Variants in ALMS1 observed in about 807,000 individuals in gnomAD.
The protein encoded by ALMS1 is ALMS1 centrosome and basal body associated protein.
In ALMS1, 271 loss-of-function variants were observed where a neutral mutation model predicts 352.2. The observed-to-expected ratio is 0.77, with a 90% CI of 0.70 to 0.85. The LOEUF is 0.85. Ranked by LOEUF, ALMS1 falls within the 40% of genes least tolerant of loss-of-function variation. The pLI is 0.00. For missense variants in ALMS1, 5,445 were observed against 4,870.7 expected, an observed-to-expected ratio of 1.12 and a Z score of -3.51; for synonymous variants, 1,865 against 1,761.2, an observed-to-expected ratio of 1.06 and a Z score of -1.48.
At position 73,449,866 on chromosome 2, in the gene ALMS1, G is replaced by A; in HGVS notation, c.3339G>A (p.Glu1113=). Residue 1113 remains glutamate (E), a synonymous_variant, in exon 8 of 23, where the codon GAG becomes GAA. Transcript: ENST00000613296. ...TTTTCTACCAACAGACCTTGCCAGA[G>A]AGTCATCTGCCTAAAGAGGCTCTGA... ...PGIFYQQTLP[E]SHLPKEALKI... 6.2e-7 allele frequency: 1 copy of A among 1,611,630 alleles called. No individual in the cohort carries two copies. The highest frequency in any genetic ancestry group is 8.5e-7 in the Non-Finnish European group (1 of 1,179,198).
intron 2 of ALMS1, among the ~76,000 whole-genome samples, chr2:73,410,674 TGA>T (rs1340568750): frequency 6.6e-6 from 1 of 152,202 alleles, no homozygotes; most frequent in Admixed American, 6.5e-5. Flanking sequence ...AGGGTGTCAG[TGA>T]CCCTCAGGGA....
intron 10 of ALMS1, among the ~76,000 whole-genome samples, chr2:73,510,030 C>T (rs748133127): frequency 1.1e-4 from 16 of 152,298 alleles, no homozygotes; most frequent in Non-Finnish European, 1.9e-4. Flanking sequence ...CTTATGTATG[C>T]TTCTCGAATT....
chr2:73,422,672 A>G (rs1172508012), intron 3 of ALMS1, among the ~76,000 whole-genome samples, 185 bp from the exon 4 acceptor site: 1 of 152,180 alleles, frequency 6.6e-6, no homozygotes, highest in Admixed American at 6.5e-5. Flanking sequence ...TTGTGTGTTA[A>G]GCACCTGGAC....
chr2:73,438,496 T>C (rs567169718), intron 7 of ALMS1, among the ~76,000 whole-genome samples: 11 of 152,328 alleles, frequency 7.2e-5, no homozygotes, highest in Non-Finnish European at 1.5e-4. Flanking sequence ...GGGTAGTGAA[T>C]TTAGTTTTGG....
chr2:73,581,397 C>T (rs566026755), intron 16 of ALMS1, among the ~76,000 whole-genome samples: 11 of 152,324 alleles, frequency 7.2e-5, no homozygotes, highest in East Asian at 5.8e-4. Context: ...GGTACTACTC[C>T]GTGCTGTCTT....
rs935547269 is a variant in ALMS1 at position 73,385,849 on chromosome 2, G to A, written c.-20G>A. The A allele has an allele frequency of 1.0e-5, 7 of 696,474 alleles. No individual in the cohort carries two copies. The highest frequency in any genetic ancestry group is 1.8e-5 in the African/African-American group (1 of 56,348). 43.1% of individuals were successfully genotyped at this position (696,474 alleles called of 1,614,324 possible). On this transcript the variant is annotated 5_prime_UTR_variant, in exon 1 of 23. Transcript: ENST00000613296. The stretch of plus-strand genomic sequence containing the variant: ...CCCCCCCTCCTCCTCCTCCTCTGCC[G>A]CCCAGAGCGAGACACCAACATGGAG...
chr2:73,411,437 GT>G (rs1041596551), intron 2 of ALMS1, among the ~76,000 whole-genome samples: 1 of 152,102 alleles, frequency 6.6e-6, no homozygotes, highest in Non-Finnish European at 1.5e-5. Flanking sequence ...GTGTCACTTT[GT>G]TATAGCAGCC....
At chr2:73,597,617 T>G (rs1056562962) in intron 16 of ALMS1, among the ~76,000 whole-genome samples, 2 of 152,204 alleles carry the variant, frequency 1.3e-5, no homozygotes, top group African/African-American at 2.4e-5. Context: ...TATCAGTGTT[T>G]TATATTTTAC....
intron 9 of ALMS1, chr2:73,469,925 G>A (rs1672434407): frequency 1.3e-5 from 2 of 151,784 alleles, no homozygotes; most frequent in Non-Finnish European, 1.5e-5. Context: ...ATCAAGTAAT[G>A]GATAACTCCT....
Position 73,490,759 on chromosome 2 carries a change from A to C in ALMS1, c.8800A>C (p.Lys2934Gln). 1 of 1,614,136 alleles carries C rather than the reference A, an allele frequency of 6.2e-7. No homozygotes were observed. ...LEQRELFEQC[K>Q]APYVDHQMRE... ...ACAACGAGAACTCTTTGAACAGTGC[A>C]AAGCCCCATATGTAGATCATCAAAT... The change falls in exon 10 of 23, where the codon AAA (lysine) becomes CAA (glutamine). Residue 2934 changes from lysine to glutamine, a missense_variant. By Grantham distance (53) the Lys-to-Gln change is moderately conservative (BLOSUM62 1). Coordinates refer to ENST00000613296, the MANE Select transcript of ALMS1 (RefSeq NM_001378454.1).
chr2:73,583,876 A>T (rs1489876934), intron 16 of ALMS1, among the ~76,000 whole-genome samples: 2 of 152,268 alleles, frequency 1.3e-5, no homozygotes, highest in African/African-American at 4.8e-5. Context: ...TATTTTGATT[A>T]CTGTTCCTCT....
At chr2:73,578,707 C>T (rs1423424081) in intron 16 of ALMS1, among the ~76,000 whole-genome samples, 1 of 152,150 alleles carries the variant, frequency 6.6e-6, no homozygotes, top group Admixed American at 6.6e-5. Flanking sequence ...ATCTCCATCC[C>T]TTCCTCTTTA....
intron 9 of ALMS1, among the ~76,000 whole-genome samples, chr2:73,456,225 C>G (rs1355401537): frequency 6.6e-6 from 1 of 152,022 alleles, no homozygotes; most frequent in Non-Finnish European, 1.5e-5. Context: ...TGGTTTTGAA[C>G]TCTAAGATGG....
chr2:73,424,621 A>G lies in ALMS1; in HGVS notation c.956A>G (p.Asn319Ser), dbSNP rs1362251048. Residue 319 changes from asparagine (N) to serine (S), a missense_variant, in exon 5 of 23, where the codon AAT becomes AGT. Asn to Ser is a conservative substitution (Grantham distance 46, BLOSUM62 1). Transcript: ENST00000613296. ...CCTTTTTTACCTTCTGAACAAGGGA[A>G]TAATGAAGAGACTATTTCGTCTGTT... is the stretch of plus-strand genomic sequence containing the variant. ...QCPFLPSEQG[N>S]NEETISSVDE... 1 of 1,613,942 alleles carries G rather than the reference A, an allele frequency of 6.2e-7. No individual in the cohort carries two copies. Among genetic ancestry groups the G allele is most frequent in the East Asian group, 2.2e-5 (1 of 44,868 alleles).
At chr2:73,440,816 G>A (rs1212875410) in intron 7 of ALMS1, among the ~76,000 whole-genome samples, 1 of 152,198 alleles carries the variant, frequency 6.6e-6, no homozygotes, top group Non-Finnish European at 1.5e-5. Flanking sequence ...TATTATGTTA[G>A]GAGACTTTGA....
At chr2:73,415,013 C>T (rs1671158582) in intron 2 of ALMS1, among the ~76,000 whole-genome samples, 1 of 152,132 alleles carries the variant, frequency 6.6e-6, no homozygotes, top group African/African-American at 2.4e-5. Flanking sequence ...GCTTGAAACG[C>T]TGGAATGTTC....
At chr2:73,413,448 AC>A (rs1240823256) in intron 2 of ALMS1, among the ~76,000 whole-genome samples, 1 of 152,086 alleles carries the variant, frequency 6.6e-6, no homozygotes. Context: ...CAGCCTTGGC[AC>A]TATTGACATT....
In ALMS1 at chr2:73,385,958, A is replaced by G; in HGVS notation, c.90A>G (p.Ala30=). The change falls in exon 1 of 23, where the codon GCA becomes GCG. Residue 30 remains alanine, a synonymous_variant. Coordinates refer to ENST00000613296, the MANE Select transcript of ALMS1 (RefSeq NM_001378454.1). ...AGGAGGAGGAAGAGGAGGAGGCTGC[A>G]GCGGCGGCGGCGGCGAACGTGGACG... ...EEEEEEEEEA[A]AAAAANVDDV... 7.1e-7 allele frequency: 1 copy of G among 1,399,048 alleles called. No homozygotes were observed. Among genetic ancestry groups the G allele is most frequent in the Non-Finnish European group, 9.9e-7 (1 of 1,012,324 alleles). 86.7% of individuals were successfully genotyped at this position (1,399,048 alleles called of 1,614,324 possible). A position where few individuals can be genotyped will look rare whatever the true frequency, so the allele number is the denominator to read the frequency against.
intron 21 of ALMS1, among the ~76,000 whole-genome samples, chr2:73,604,798 G>A (rs1675777980): frequency 6.6e-6 from 1 of 152,120 alleles, no homozygotes; most frequent in South Asian, 2.1e-4. Flanking sequence ...TGCTGTGTTG[G>A]CTATTTGCAC....
Sources: allele counts gnomAD v4.1 joint callset (sites outside exome capture counted in the v4.1 genomes callset), GRCh38; gene constraint gnomAD v4.1.1; transcripts MANE v1.5; gene names NCBI Gene and HGNC (gene_info 2026-07-23, HGNC 2026-07-21).